The following MROH2B variants were observed in gnomAD, a reference collection of about 807,000 sequenced individuals.
MROH2B encodes maestro heat like repeat family member 2B.
In MROH2B, 177 loss-of-function variants were observed where a neutral mutation model predicts 208.6. The observed-to-expected ratio is 0.85, with a 90% CI of 0.75 to 0.96. The LOEUF is 0.96. Ranked by LOEUF, MROH2B falls within the 40% of genes least tolerant of loss-of-function variation. MROH2B has a pLI of 0.00. For synonymous variants in MROH2B, 728 were observed against 659.0 expected, an observed-to-expected ratio of 1.10 and a Z score of -1.60; for missense variants, 2,002 against 1,878.7, an observed-to-expected ratio of 1.07 and a Z score of -1.21.
Position 41,052,478 on chromosome 5 carries a change from A to T in MROH2B, c.1217T>A (p.Leu406Ter), listed in dbSNP as rs1422454534. Residue 406 changes from leucine (L) to a stop codon, truncating the protein, a stop_gained, in exon 12 of 42, where the codon TTG becomes TAG. Coordinates refer to ENST00000399564, the MANE Select transcript of MROH2B (RefSeq NM_173489.5). LOFTEE classifies it high-confidence loss of function. ...GCCTCTGCATACCAGATTCCTGTTC[A>T]ACGTTGCAAACTGGGAGAAGACATA... ...IDYVFSQFAT[L>*]NRNLEKPVKT... is the part of the protein sequence containing the mutation. 2 of 1,612,716 alleles carry T rather than the reference A, an allele frequency of 1.2e-6. No homozygotes were observed. The highest frequency in any genetic ancestry group is 1.7e-6 in the Non-Finnish European group (2 of 1,179,162).
In MROH2B at chr5:41,026,186, C is replaced by T. The variant is rs985358827; in HGVS notation, c.2441+6556G>A. 4.6e-5 allele frequency among the ~76,000 whole-genome samples: 7 copies of T among 152,130 alleles called. No homozygotes were observed. The East Asian group carries it at 5.8e-4, about 13-fold the overall frequency. On this transcript the variant is annotated intron_variant, in intron 24 of 41. Coordinates refer to ENST00000399564, the MANE Select transcript of MROH2B (RefSeq NM_173489.5). ...ACATAGTGTTGGAAGTTCTGGTCAG[C>T]GCAATCAGGCAGGAGAAAGAAATAA...
chr5:41,001,669 A>G (rs1741400982), intron 37 of MROH2B, among the ~76,000 whole-genome samples: 1 of 151,976 alleles, frequency 6.6e-6, no homozygotes, highest in East Asian at 1.9e-4. Context: ...GTGAGCCAAG[A>G]TCGTGCCACT....
intron 30 of MROH2B, among the ~76,000 whole-genome samples, chr5:41,010,586 G>C (rs1056905212): frequency 1.3e-5 from 2 of 152,210 alleles, no homozygotes; most frequent in Non-Finnish European, 2.9e-5. Flanking sequence ...ATCCTTGTCA[G>C]AAAGAAGAAC....
intron 24 of MROH2B, among the ~76,000 whole-genome samples, chr5:41,029,693 A>G (rs1200749652): frequency 6.6e-6 from 1 of 152,172 alleles, no homozygotes; most frequent in Non-Finnish European, 1.5e-5. Flanking sequence ...TACAGGGAAA[A>G]GCTTGAAGAT....
chr5:41,048,027 TTAA>T (rs1251578678), intron 16 of MROH2B, among the ~76,000 whole-genome samples: 1 of 152,160 alleles, frequency 6.6e-6, no homozygotes, highest in Admixed American at 6.5e-5. Flanking sequence ...TCTAACATGA[TTAA>T]TAACTTTTTA....
At chr5:41,028,004 C>T (rs1207887227) in intron 24 of MROH2B, among the ~76,000 whole-genome samples, 1 of 149,604 alleles carries the variant, frequency 6.7e-6, no homozygotes, top group Admixed American at 6.7e-5. Context: ...CACTTGGAAA[C>T]AGGGTGGGGA....
Position 41,009,933 on chromosome 5 carries a change from C to T in MROH2B, c.3282G>A (p.Leu1094=). 2 of 1,613,540 alleles carry T rather than the reference C, an allele frequency of 1.2e-6. No homozygotes were observed. Among genetic ancestry groups the T allele is most frequent in the Non-Finnish European group, 1.7e-6 (2 of 1,179,652 alleles). ...TVVVNLLQKP[L]PFDRDTKTLW... ...CAATAAGGATCTACCTGTCAAAAGGCAGAGGCTTCTGTAAAAGGTTGACAA... is the reference window on the plus strand; with the variant it reads ...CAATAAGGATCTACCTGTCAAAAGGTAGAGGCTTCTGTAAAAGGTTGACAA... Residue 1094 remains leucine (L), a synonymous_variant, in exon 31 of 42, where the codon CTG becomes CTA. Coordinates refer to ENST00000399564, the MANE Select transcript of MROH2B (RefSeq NM_173489.5).
chr5:41,026,773 C>T (rs1742376649), intron 24 of MROH2B, among the ~76,000 whole-genome samples: 1 of 152,174 alleles, frequency 6.6e-6, no homozygotes, highest in South Asian at 2.1e-4. Context: ...CATCACGCTA[C>T]CTGACTTTAA....
intron 11 of MROH2B, among the ~76,000 whole-genome samples, chr5:41,053,332 T>C (rs1028183075): frequency 6.6e-6 from 1 of 152,218 alleles, no homozygotes; most frequent in Non-Finnish European, 1.5e-5. Context: ...GAAATATTCA[T>C]GGATTTCCAT....
intron 24 of MROH2B, among the ~76,000 whole-genome samples, chr5:41,023,539 A>G (rs7719082): frequency 5.3e-5 from 8 of 152,126 alleles, no homozygotes; most frequent in Non-Finnish European, 1.0e-4. Context: ...ATATGGGACT[A>G]TGTGAAAAGA....
intron 13 of MROH2B, among the ~76,000 whole-genome samples, chr5:41,050,441 G>T (rs1201099814): frequency 6.6e-6 from 1 of 152,142 alleles, no homozygotes; most frequent in Admixed American, 6.5e-5. Flanking sequence ...CTGGAAATCT[G>T]CATTTTAAGT....
rs780177224 is a variant in MROH2B, at chr5:41,064,496, T to A, written c.436A>T (p.Arg146Trp). 6.2e-6 allele frequency: 10 copies of A among 1,603,954 alleles called. No homozygotes were observed. The highest frequency in any genetic ancestry group is 8.5e-6 in the Non-Finnish European group (10 of 1,170,728). The change falls in exon 5 of 42, where the codon AGG (arginine) becomes TGG (tryptophan). Residue 146 changes from arginine to tryptophan, a missense_variant. Transcript: ENST00000399564. Reference protein sequence around the residue: ...QTMLRLAEDERMKGTFCIALE... With the variant: ...QTMLRLAEDEWMKGTFCIALE... ...CCAATACAGAAAGTCCCCTTCATCCTTTCATCCTCGGCCAGCCTGAGCATG... is the reference window on the plus strand; with the variant it reads ...CCAATACAGAAAGTCCCCTTCATCCATTCATCCTCGGCCAGCCTGAGCATG...
intron 28 of MROH2B, 26 bp downstream of exon 28, chr5:41,017,824 T>C: frequency 6.4e-7 from 1 of 1,562,932 alleles, no homozygotes; most frequent in Non-Finnish European, 8.6e-7. Context: ...TTTTCTTCAT[T>C]TGTGGGTTCC....
rs763324790 is a variant in MROH2B, at chr5:41,004,493, G to A, written c.4047C>T (p.Ile1349=). The A allele has an allele frequency of 6.2e-7, 1 of 1,612,738 alleles. No homozygotes were observed. ...KKHKQLMLES[I]IRGLYHLART... Reference sequence around the variant, plus strand: ...GAGCTAGGTGATACAGGCCTCTGATGATAGATTCTAGCATTAACTGCTTAT... The same window carrying A: ...GAGCTAGGTGATACAGGCCTCTGATAATAGATTCTAGCATTAACTGCTTAT... Residue 1349 remains isoleucine (I), a synonymous_variant, in exon 37 of 42, where the codon ATC becomes ATT. Transcript: ENST00000399564.
At chr5:41,000,002 G>A (rs1741334921) in intron 39 of MROH2B, 2 of 698,280 alleles carry the variant, frequency 2.9e-6, no homozygotes. Context: ...TAGGAACCAA[G>A]GAGAATATAT....
In MROH2B at chr5:41,061,658, C is replaced by T. The variant is rs267600634; in HGVS notation, c.527G>A (p.Arg176Lys). The change falls in exon 6 of 42, where the codon AGA becomes AAA. Residue 176 changes from arginine (R) to lysine (K), a missense_variant. Transcript: ENST00000399564. ...VNHWRDFPYP[R>K]LDANRLSDKI... ...GTCAGACAGTCGGTTGGCATCCAGT[C>T]TGGGGTAGGGAAAATCTCTCCAGTG... is the stretch of plus-strand genomic sequence containing the variant. The T allele has an allele frequency of 6.2e-7, 1 of 1,613,910 alleles. No homozygotes were observed. Among genetic ancestry groups the T allele is most frequent in the Non-Finnish European group, 8.5e-7 (1 of 1,179,846 alleles).
Position 41,000,788 on chromosome 5 carries a change from G to A in MROH2B, c.4240C>T (p.Leu1414=). 6.2e-7 allele frequency: 1 copy of A among 1,611,716 alleles called. No homozygotes were observed. Among genetic ancestry groups the A allele is most frequent in the Non-Finnish European group, 8.5e-7 (1 of 1,179,016 alleles). ...CACCTTCTTCCTGTTAGGGGTGCCA[G>A]GTCCTCAAATAAGAAGATGGCAGTC... is the stretch of plus-strand genomic sequence containing the variant. ...RLTAIFLFED[L]APLTGRRWKI... The change falls in exon 38 of 42, where the codon CTG becomes TTG. Residue 1414 remains leucine (L), a synonymous_variant. Transcript: ENST00000399564.
chr5:41,015,973 T>C (rs938968570), intron 28 of MROH2B, among the ~76,000 whole-genome samples: 4 of 152,238 alleles, frequency 2.6e-5, no homozygotes, highest in Admixed American at 1.3e-4. Context: ...TATCAATTTA[T>C]AAATGCAGAC....
chr5:41,005,426 T>TCCGG, intron 35 of MROH2B, 105 bp downstream of exon 35: 2 of 24,090 alleles, frequency 8.3e-5, no homozygotes, highest in East Asian at 4.5e-4. Flanking sequence ...CCCCCCCCCC[T>TCCGG]TGAAGTCTCT....
Sources: gnomAD v4.1 joint callset for allele counts (sites outside exome capture counted in the v4.1 genomes callset) on GRCh38, gnomAD v4.1.1 for gene constraint, MANE v1.5 for transcripts, NCBI Gene and HGNC (gene_info 2026-07-23, HGNC 2026-07-21) for gene names.